Variants in SCAI observed in about 807,000 individuals in gnomAD.
The protein encoded by SCAI is protein SCAI.
In SCAI, 24 loss-of-function variants were observed where a neutral mutation model predicts 92.2. The observed-to-expected ratio is 0.26, with a 90% confidence interval of 0.19 to 0.37. The LOEUF (loss-of-function observed/expected upper bound fraction) is 0.37, where lower values mean the gene tolerates loss of function less well. Among genes scored for constraint, SCAI ranks in the 10% least tolerant of loss-of-function variants. The pLI, the probability that SCAI is intolerant of heterozygous loss-of-function variation, is 1.00. For synonymous variants in SCAI, 261 were observed against 258.6 expected, an observed-to-expected ratio of 1.01 and a Z score of -0.09; for missense variants, 450 against 736.2, an observed-to-expected ratio of 0.61 and a Z score of 4.50.
chr9:124,960,332 C>T (rs894621467), intron 17 of SCAI, among the ~76,000 whole-genome samples: 5 of 152,216 alleles, frequency 3.3e-5, no homozygotes, highest in South Asian at 2.1e-4. Context: ...GGGGCTCAAG[C>T]GACGCCCCAG....
intron 2 of SCAI, among the ~76,000 whole-genome samples, chr9:125,098,015 G>A (rs1348467781): frequency 4.0e-5 from 6 of 150,064 alleles, no homozygotes; most frequent in Admixed American, 1.3e-4. Context: ...GTGTGTGTGT[G>A]TATATATATA....
At chr9:125,037,634 G>C (rs1833226855) in intron 3 of SCAI, among the ~76,000 whole-genome samples, 1 of 152,142 alleles carries the variant, frequency 6.6e-6, no homozygotes, top group Admixed American at 6.5e-5. Flanking sequence ...GAATTTCTTG[G>C]CCGGGTACAG....
intron 3 of SCAI, among the ~76,000 whole-genome samples, chr9:125,034,506 C>A (rs566336246): frequency 6.6e-6 from 1 of 152,030 alleles, no homozygotes; most frequent in African/African-American, 2.4e-5. Context: ...GAGGCCTAGG[C>A]AGGTAGACAG....
At chr9:124,990,632 G>C (rs1023176495) in intron 14 of SCAI, among the ~76,000 whole-genome samples, 3 of 151,992 alleles carry the variant, frequency 2.0e-5, no homozygotes, top group Non-Finnish European at 4.4e-5. Context: ...AATACATAAC[G>C]CTAAAACTGA....
rs1163553969 is a variant in SCAI, at chr9:125,018,909, T to G, written c.751A>C (p.Ile251Leu). Residue 251 changes from isoleucine to leucine, a missense_variant, in exon 9 of 18, where the codon ATC becomes CTC. Ile to Leu is a conservative substitution (Grantham distance 5, BLOSUM62 2). This residue lies in a region of SCAI where 360 missense variants were observed against 601.8 expected (regional missense o/e 0.60). Coordinates refer to ENST00000336505, the MANE Select transcript of SCAI (RefSeq NM_001144877.3). ...MVLNDDNTIV[I>L]TSNRLAETGA... ...GTTTCAGCAAGGCGATTCGATGTGA[T>G]AACAATGGTATTATCATCATTTAAT... 1 of 1,613,984 alleles carries G rather than the reference T, an allele frequency of 6.2e-7. No homozygotes were observed. The highest frequency in any genetic ancestry group is 1.1e-5 in the South Asian group (1 of 91,066).
In SCAI at chr9:125,024,437, G is replaced by A. The variant is rs151171806; in HGVS notation, c.512+2375C>T. Among the ~76,000 whole-genome samples, 1,082 of 152,026 alleles carry A rather than the reference G, an allele frequency of 7.1e-3. 10 individuals carry two copies. Among genetic ancestry groups the A allele is most frequent in the African/African-American group, 0.025 (1,025 of 41,476 alleles). On this transcript the variant is annotated intron_variant, in intron 6 of 17. Coordinates refer to ENST00000336505, the MANE Select transcript of SCAI (RefSeq NM_001144877.3). ...ACTACAGGCGCGTGCCACCACGCCCGGCTAATTTTTTGTATTTTTAGTAGA... is the reference window on the plus strand; with the variant it reads ...ACTACAGGCGCGTGCCACCACGCCCAGCTAATTTTTTGTATTTTTAGTAGA...
chr9:125,101,322 C>T (rs961365295), intron 2 of SCAI, among the ~76,000 whole-genome samples: 2 of 152,150 alleles, frequency 1.3e-5, no homozygotes, highest in Non-Finnish European at 2.9e-5. Flanking sequence ...GCAGGGAAGC[C>T]AGTTGTAAGA....
rs764858681 is a variant in SCAI at position 125,073,092 on chromosome 9, ATTTTTTTTTTT to A, written c.99-17096_99-17086del. 2.8e-4 allele frequency among the ~76,000 whole-genome samples: 20 copies of A among 72,480 alleles called. No homozygotes were observed. In the South Asian group the frequency reaches 5.5e-3, roughly 20 times the overall value. The allele number at this position is 72,480 out of a possible 152,430, so 47.5% of individuals were successfully genotyped here. ...GGATCATATGAGGATTCTATTTTTAATTTTTTTTTTTTTTTTTTTTTTTTTTTTTTGAGACG... is the reference window on the plus strand; with the variant it reads ...GGATCATATGAGGATTCTATTTTTAATTTTTTTTTTTTTTTTTTTGAGACG... On this transcript the variant is annotated intron_variant, in intron 2 of 17. Coordinates refer to ENST00000336505, the MANE Select transcript of SCAI (RefSeq NM_001144877.3).
intron 2 of SCAI, among the ~76,000 whole-genome samples, chr9:125,058,693 T>C (rs1383405574): frequency 6.6e-6 from 1 of 152,156 alleles, no homozygotes; most frequent in Non-Finnish European, 1.5e-5. Flanking sequence ...TATGAACGTT[T>C]CTAGCACCTA....
intron 4 of SCAI, 103 bp from the exon 5 acceptor site, chr9:125,028,581 G>A (rs908217298): frequency 2.7e-5 from 13 of 481,334 alleles, no homozygotes; most frequent in African/African-American, 2.6e-4. Context: ...ATTCAGCAAA[G>A]CTAATGAATT....
At chr9:125,085,363 T>C (rs993322819) in intron 2 of SCAI, among the ~76,000 whole-genome samples, 18 of 152,126 alleles carry the variant, frequency 1.2e-4, no homozygotes, top group Admixed American at 1.2e-3. Flanking sequence ...GGCGTGCACC[T>C]GTAGTCACAG....
intron 3 of SCAI, among the ~76,000 whole-genome samples, chr9:125,041,072 T>C (rs1479651952): frequency 6.6e-6 from 1 of 152,208 alleles, no homozygotes; most frequent in Admixed American, 6.5e-5. Context: ...AGATGTTAAG[T>C]TAATGGATAA....
At chr9:125,004,748 TA>T (rs1832441304) in intron 9 of SCAI, among the ~76,000 whole-genome samples, 4 of 14,010 alleles carry the variant, frequency 2.9e-4, no homozygotes, top group Admixed American at 1.2e-3. Flanking sequence ...TATATATATA[TA>T]TATATATATA....
In SCAI at chr9:125,022,213, C is replaced by T. The variant is rs183310586; in HGVS notation, c.513-1444G>A. 3.7e-3 allele frequency among the ~76,000 whole-genome samples: 559 copies of T among 152,200 alleles called. 8 individuals are homozygous for T. The highest frequency in any genetic ancestry group is 0.034 in the Admixed American group (525 of 15,274). ...AACACTTTGCTTTATCATAATGCTA[C>T]GTTATTAGGTATATATAAGTTTATG... is the stretch of plus-strand genomic sequence containing the variant. On this transcript the variant is annotated intron_variant, in intron 6 of 17. Transcript: ENST00000336505.
At chr9:125,133,308 G>C (rs1160363233) in intron 2 of SCAI, among the ~76,000 whole-genome samples, 4 of 152,048 alleles carry the variant, frequency 2.6e-5, no homozygotes, top group Non-Finnish European at 5.9e-5. Context: ...AGAATCACTT[G>C]AACCTGGGAG....
intron 17 of SCAI, among the ~76,000 whole-genome samples, chr9:124,956,380 G>A (rs1831315294): frequency 6.6e-6 from 1 of 152,048 alleles, no homozygotes; most frequent in Non-Finnish European, 1.5e-5. Context: ...CACCACGCCT[G>A]GCTAATTTTT....
chr9:124,980,531 T>C (rs1831864071), intron 14 of SCAI, among the ~76,000 whole-genome samples: 1 of 152,186 alleles, frequency 6.6e-6, no homozygotes, highest in Non-Finnish European at 1.5e-5. Flanking sequence ...GCTTTCCTTC[T>C]GGGAGTGTAG....
At chr9:125,101,496 G>C (rs1049561592) in intron 2 of SCAI, among the ~76,000 whole-genome samples, 2 of 152,196 alleles carry the variant, frequency 1.3e-5, no homozygotes, top group African/African-American at 4.8e-5. Flanking sequence ...TGAGCAACTG[G>C]AAGGATGGAA....
Position 124,999,244 on chromosome 9 carries a change from G to C in SCAI, c.1244+647C>G, listed in dbSNP as rs565947142. Among the ~76,000 whole-genome samples the C allele has an allele frequency of 1.1e-3, 162 of 151,988 alleles. 1 individual carries two copies. The highest frequency in any genetic ancestry group is 3.9e-4 in the East Asian group (2 of 5,132). ...TCTACTAAAAATACAAAAATTAGCC[G>C]GGCATGGTGGCTGGTGCCTGTAATC... is the stretch of plus-strand genomic sequence containing the variant. On this transcript the variant is annotated intron_variant, in intron 13 of 17. Coordinates refer to ENST00000336505, the MANE Select transcript of SCAI (RefSeq NM_001144877.3).
Sources: gnomAD v4.1 joint callset for allele counts (sites outside exome capture counted in the v4.1 genomes callset) on GRCh38, gnomAD v4.1.1 for gene constraint, gnomAD v4.1.1 regional missense constraint, MANE v1.5 for transcripts, NCBI Gene and HGNC (gene_info 2026-07-23, HGNC 2026-07-21) for gene names.